Variants in TNKS observed in about 807,000 individuals in gnomAD.
The protein encoded by TNKS is tankyrase, also known as poly [ADP-ribose] polymerase tankyrase-1.
A neutral mutation model predicts 135.8 loss-of-function variants in TNKS; 72 were observed. The observed-to-expected ratio is 0.53, with a 90% CI of 0.44 to 0.64. The LOEUF (loss-of-function observed/expected upper bound fraction) is 0.64. Ranked by LOEUF, TNKS falls within the 30% of genes least tolerant of loss-of-function variation. The probability of loss-of-function intolerance (pLI) is 0.00; values close to 1 mark genes in which losing one functional copy is unlikely to be tolerated. For missense variants in TNKS, 1,769 were observed against 1,674.0 expected, an observed-to-expected ratio of 1.06 and a Z score of -0.99; for synonymous variants, 849 against 649.3, an observed-to-expected ratio of 1.31 and a Z score of -4.68.
chr8:9,760,267 C>T (rs956141112), intron 20 of TNKS, among the ~76,000 whole-genome samples: 1 of 152,050 alleles, frequency 6.6e-6, no homozygotes, highest in Admixed American at 6.6e-5. Flanking sequence ...TGAAACCTTT[C>T]TTTTGGGTGG....
At chr8:9,573,931 C>T (rs542277879) in intron 1 of TNKS, among the ~76,000 whole-genome samples, 1 of 152,174 alleles carries the variant, frequency 6.6e-6, no homozygotes, top group South Asian at 2.1e-4. Flanking sequence ...GCCATCGTTC[C>T]ATGGAAGCTT....
At chr8:9,615,470 G>GA in intron 2 of TNKS, 112 bp from the exon 3 acceptor site, 1 of 749,356 alleles carries the variant, frequency 1.3e-6, no homozygotes. Context: ...TCTTGAAAGA[G>GA]AAAAAATTTG....
intron 11 of TNKS, among the ~76,000 whole-genome samples, chr8:9,711,542 G>C (rs1291788098): frequency 6.6e-6 from 1 of 152,176 alleles, no homozygotes; most frequent in Non-Finnish European, 1.5e-5. Context: ...AGTGTAAAAA[G>C]GTGGTCTGGT....
At chr8:9,653,392 G>A (rs1801215587) in intron 3 of TNKS, among the ~76,000 whole-genome samples, 1 of 152,028 alleles carries the variant, frequency 6.6e-6, no homozygotes, top group Admixed American at 6.6e-5. Flanking sequence ...TCAAGACTGG[G>A]TAATTTATAA....
At chr8:9,611,630 C>T (rs925757759) in intron 2 of TNKS, among the ~76,000 whole-genome samples, 1 of 152,174 alleles carries the variant, frequency 6.6e-6, no homozygotes, top group African/African-American at 2.4e-5. Context: ...GATGACACCA[C>T]TTTGAGTACA....
Position 9,580,235 on chromosome 8 carries a change from C to A in TNKS, c.750C>A (p.Leu250=), listed in dbSNP as rs1015629157. The change falls in exon 2 of 27, where the codon CTC becomes CTA. Residue 250 remains leucine, a synonymous_variant. Coordinates refer to ENST00000310430, the MANE Select transcript of TNKS (RefSeq NM_003747.3). ...TCCACGCTCGTGATGATGGAGGTCT[C>A]ATCCCGCTTCATAATGCCTGTTCTT... The part of the protein sequence containing the change: ...ANVHARDDGG[L]IPLHNACSFG... 1 of 1,614,032 alleles carries A rather than the reference C, an allele frequency of 6.2e-7. No individual in the cohort carries two copies. Among genetic ancestry groups the A allele is most frequent in the African/African-American group, 1.3e-5 (1 of 74,910 alleles).
chr8:9,725,743 T>G (rs550131972), intron 12 of TNKS, among the ~76,000 whole-genome samples: 2 of 152,240 alleles, frequency 1.3e-5, no homozygotes, highest in Non-Finnish European at 2.9e-5. Context: ...GTGCTCATTC[T>G]AAAAGCCACA....
At chr8:9,575,868 A>G (rs1396044822) in intron 1 of TNKS, among the ~76,000 whole-genome samples, 1 of 152,224 alleles carries the variant, frequency 6.6e-6, no homozygotes, top group African/African-American at 2.4e-5. Flanking sequence ...TTCCTGCTTG[A>G]TAAGAAGTGT....
At chr8:9,576,511 C>CCT (rs1797953840) in intron 1 of TNKS, among the ~76,000 whole-genome samples, 2 of 146,156 alleles carry the variant, frequency 1.4e-5, no homozygotes, top group South Asian at 4.4e-4. Context: ...GGCTCTGTTG[C>CCT]CCAGGCTGGA....
At chr8:9,562,569 A>G (rs975705287) in intron 1 of TNKS, among the ~76,000 whole-genome samples, 2 of 152,138 alleles carry the variant, frequency 1.3e-5, no homozygotes, top group African/African-American at 2.4e-5. Context: ...AAGTGTGTCT[A>G]TTATAGACAG....
chr8:9,703,699 G>A lies in TNKS; in HGVS notation c.1108-964G>A, dbSNP rs189692508. Among the ~76,000 whole-genome samples the A allele has an allele frequency of 2.8e-4, 42 of 152,254 alleles. 1 individual carries two copies. In the East Asian group the frequency reaches 3.1e-3, roughly 11 times the overall value. ...TATCTTCACATCTGGAATAGGTGAA[G>A]CAAATAAATTAAAAATCTTATTAAA... is the stretch of plus-strand genomic sequence containing the variant. On this transcript the variant is annotated intron_variant, in intron 5 of 26. Coordinates refer to ENST00000310430, the MANE Select transcript of TNKS (RefSeq NM_003747.3).
intron 2 of TNKS, among the ~76,000 whole-genome samples, chr8:9,607,026 C>G (rs554595184): frequency 2.0e-5 from 3 of 152,036 alleles, no homozygotes; most frequent in African/African-American, 7.2e-5. Context: ...TTCTAGGGGA[C>G]AAGTTCTCAA....
At chr8:9,583,660 T>C (rs1268229810) in intron 2 of TNKS, among the ~76,000 whole-genome samples, 1 of 151,858 alleles carries the variant, frequency 6.6e-6, no homozygotes, top group Non-Finnish European at 1.5e-5. Context: ...AGCTAAGTTT[T>C]GTATTTTTAT....
At chr8:9,713,521 C>T (rs1046260606) in intron 11 of TNKS, among the ~76,000 whole-genome samples, 10 of 152,162 alleles carry the variant, frequency 6.6e-5, no homozygotes, top group Non-Finnish European at 1.0e-4. Context: ...ACATTTTCAT[C>T]AGTAACATCT....
At chr8:9,694,478 C>A (rs923814051) in intron 5 of TNKS, among the ~76,000 whole-genome samples, 50 of 151,922 alleles carry the variant, frequency 3.3e-4, no homozygotes, top group African/African-American at 1.1e-3. Context: ...AAGTATTGTC[C>A]AGGCCCGGCA....
At chr8:9,754,081 G>C (rs563552176) in intron 20 of TNKS, among the ~76,000 whole-genome samples, 58 of 152,242 alleles carry the variant, frequency 3.8e-4, no homozygotes, top group African/African-American at 1.3e-3. Flanking sequence ...TTGAATTTGA[G>C]GCCACCAGTA....
At chr8:9,634,121 C>G (rs1391607095) in intron 3 of TNKS, among the ~76,000 whole-genome samples, 1 of 145,486 alleles carries the variant, frequency 6.9e-6, no homozygotes, top group Non-Finnish European at 1.5e-5. Flanking sequence ...ATTTTTTTTC[C>G]AAAAATAAGC....
intron 3 of TNKS, among the ~76,000 whole-genome samples, chr8:9,626,580 C>G (rs1397684279): frequency 6.6e-6 from 1 of 152,144 alleles, no homozygotes; most frequent in South Asian, 2.1e-4. Context: ...GAAACCTAGG[C>G]ATGTTGAGTA....
intron 3 of TNKS, among the ~76,000 whole-genome samples, chr8:9,654,191 C>G (rs1220055485): frequency 2.0e-5 from 3 of 152,194 alleles, no homozygotes; most frequent in East Asian, 3.8e-4. Context: ...ACCAGAATCA[C>G]AAGATCTCAA....
Sources: allele counts gnomAD v4.1 joint callset (sites outside exome capture counted in the v4.1 genomes callset), GRCh38; gene constraint gnomAD v4.1.1; transcripts MANE v1.5; gene names NCBI Gene and HGNC (gene_info 2026-07-23, HGNC 2026-07-21).